BTRC: variants seen among roughly 807,000 people sequenced by gnomAD.
BTRC encodes the protein F-box/WD repeat-containing protein 1A.
In BTRC, 42 loss-of-function variants were observed where a neutral mutation model predicts 85.5. The ratio of observed to expected loss-of-function variants is 0.49; its 90% CI spans 0.38 to 0.64. The LOEUF (loss-of-function observed/expected upper bound fraction) is 0.64, where lower values mean the gene tolerates loss of function less well. Ranked by LOEUF, BTRC falls within the 30% of genes least tolerant of loss-of-function variation. The pLI, the probability that BTRC is intolerant of heterozygous loss-of-function variation, is 0.00. For synonymous variants in BTRC, 255 were observed against 263.3 expected, an observed-to-expected ratio of 0.97 and a Z score of 0.30; for missense variants, 594 against 743.5, an observed-to-expected ratio of 0.80 and a Z score of 2.34.
chr10:101,547,182 T>G (rs1010437007), intron 13 of BTRC, among the ~76,000 whole-genome samples: 1 of 152,158 alleles, frequency 6.6e-6, no homozygotes, highest in Non-Finnish European at 1.5e-5. Context: ...CCATTGTAAT[T>G]TGAGGAGCAT....
rs1314993788 is a variant in BTRC, at chr10:101,553,396, CCCTCCTCT to C, written c.*280_*287del. ...TGAATGATTGGAACTTTTAAACCTCCCCTCCTCTCCTCCTTTCACCTCTGCACCTAGTT... is the reference window on the plus strand; with the variant it reads ...TGAATGATTGGAACTTTTAAACCTCCCCTCCTTTCACCTCTGCACCTAGTT... On this transcript the variant is annotated 3_prime_UTR_variant, in exon 15 of 15. Coordinates refer to ENST00000370187, the MANE Select transcript of BTRC (RefSeq NM_033637.4). 6.6e-6 allele frequency: 1 copy of C among 152,618 alleles called. No individual in the cohort carries two copies. The highest frequency in any genetic ancestry group is 1.5e-5 in the Non-Finnish European group (1 of 68,064). The allele number at this position is 152,618 out of a possible 1,614,324, so 9.5% of individuals were successfully genotyped here.
intron 1 of BTRC, among the ~76,000 whole-genome samples, chr10:101,386,425 C>G (rs1180980076): frequency 6.6e-6 from 1 of 152,110 alleles, no homozygotes; most frequent in African/African-American, 2.4e-5. Context: ...TTTTCTTCAT[C>G]CTCTTAAGGT....
intron 2 of BTRC, among the ~76,000 whole-genome samples, chr10:101,431,250 T>A (rs1220525015): frequency 6.6e-6 from 1 of 151,980 alleles, no homozygotes; most frequent in Non-Finnish European, 1.5e-5. Context: ...CTAATTTTTG[T>A]ATTTTTAGTA....
chr10:101,416,726 G>A (rs1012906000), intron 1 of BTRC, among the ~76,000 whole-genome samples: 15 of 152,140 alleles, frequency 9.9e-5, no homozygotes, highest in Non-Finnish European at 2.1e-4. Context: ...TGCCGTAGGG[G>A]AAAAATTATA....
chr10:101,409,919 T>C (rs929020435), intron 1 of BTRC, among the ~76,000 whole-genome samples: 10 of 152,256 alleles, frequency 6.6e-5, no homozygotes, highest in African/African-American at 2.4e-4. Flanking sequence ...TCTTTGGATA[T>C]ATACCTAGAA....
chr10:101,419,854 T>G (rs1332337798), intron 1 of BTRC, among the ~76,000 whole-genome samples: 2 of 152,168 alleles, frequency 1.3e-5, no homozygotes, highest in Non-Finnish European at 2.9e-5. Flanking sequence ...TTGACATGTC[T>G]CTGTCATTCA....
chr10:101,415,750 A>G (rs1943928313), intron 1 of BTRC, among the ~76,000 whole-genome samples: 1 of 151,806 alleles, frequency 6.6e-6, no homozygotes, highest in African/African-American at 2.4e-5. Context: ...CATGTTGGCC[A>G]GGCTGGTCTG....
At chr10:101,481,393 AAT>A (rs1254028890) in intron 4 of BTRC, among the ~76,000 whole-genome samples, 7 of 152,058 alleles carry the variant, frequency 4.6e-5, no homozygotes, top group African/African-American at 1.7e-4. Context: ...CTTCTGGCTA[AAT>A]AAGGTAAAAT....
Position 101,521,673 on chromosome 10 carries a change from T to G in BTRC, c.359T>G (p.Val120Gly), listed in dbSNP as rs1472426179. The G allele has an allele frequency of 1.2e-6, 2 of 1,614,164 alleles. No homozygotes were observed. The highest frequency in any genetic ancestry group is 1.7e-5 in the Admixed American group (1 of 60,016). Residue 120 changes from valine (V) to glycine (G), a missense_variant, in exon 5 of 15, where the codon GTG (valine) becomes GGG (glycine). Transcript: ENST00000370187. ...GCCAATGGCACTTCCAGTATGATTG[T>G]GCCCAAGCAACGGAAACTCTCAGCA... ...KLANGTSSMI[V>G]PKQRKLSASY...
intron 5 of BTRC, among the ~76,000 whole-genome samples, chr10:101,522,967 A>T (rs1342179505): frequency 6.6e-6 from 1 of 152,118 alleles, no homozygotes; most frequent in East Asian, 1.9e-4. Context: ...GCACTTTGGG[A>T]GGCCGAAGTG....
chr10:101,486,108 A>G (rs1945978290), intron 4 of BTRC, among the ~76,000 whole-genome samples: 1 of 152,190 alleles, frequency 6.6e-6, no homozygotes, highest in Non-Finnish European at 1.5e-5. Context: ...GTTAGGAAAG[A>G]GAGAGGCAAG....
At chr10:101,409,999 C>T (rs750286519) in intron 1 of BTRC, among the ~76,000 whole-genome samples, 4 of 152,242 alleles carry the variant, frequency 2.6e-5, no homozygotes, top group Admixed American at 6.5e-5. Flanking sequence ...AATTGTTTCC[C>T]GTGGTTACTG....
rs559593725 is a variant in BTRC at position 101,410,311 on chromosome 10, C to T, written c.49-20034C>T. Reference sequence around the variant, plus strand: ...TTTTGATTTTCATTTTCCCAATGACCGCTGATGTCAAGAAGAGTACCCTGG... The same window carrying T: ...TTTTGATTTTCATTTTCCCAATGACTGCTGATGTCAAGAAGAGTACCCTGG... On this transcript the variant is annotated intron_variant, in intron 1 of 14. Transcript: ENST00000370187. Among the ~76,000 whole-genome samples, 6 of 152,074 alleles carry T rather than the reference C, an allele frequency of 3.9e-5. 1 individual carries two copies. The highest frequency in any genetic ancestry group is 7.2e-5 in the African/African-American group (3 of 41,478).
chr10:101,523,760 T>C (rs1434625069), intron 5 of BTRC, among the ~76,000 whole-genome samples: 1 of 152,214 alleles, frequency 6.6e-6, no homozygotes, highest in Non-Finnish European at 1.5e-5. Context: ...AATGTATTTT[T>C]CTAAATTTGT....
chr10:101,430,166 G>C (rs1944365498), intron 1 of BTRC, among the ~76,000 whole-genome samples, 179 bp from the exon 2 acceptor site: 1 of 152,186 alleles, frequency 6.6e-6, no homozygotes, highest in Admixed American at 6.5e-5. Context: ...GGCCACTACT[G>C]CCCCTTTTGG....
intron 1 of BTRC, among the ~76,000 whole-genome samples, chr10:101,420,323 C>T (rs1209433503): frequency 6.6e-6 from 1 of 152,002 alleles, no homozygotes; most frequent in Non-Finnish European, 1.5e-5. Flanking sequence ...ATCTCTCGCT[C>T]CATTTCTCAC....
chr10:101,488,295 T>C (rs1192403671), intron 4 of BTRC, among the ~76,000 whole-genome samples: 3 of 152,192 alleles, frequency 2.0e-5, no homozygotes, highest in Non-Finnish European at 4.4e-5. Flanking sequence ...CCTGATTCTG[T>C]TTATTAGAAA....
At chr10:101,552,884 G>A (rs561360415) in intron 14 of BTRC, among the ~76,000 whole-genome samples, 3 of 152,096 alleles carry the variant, frequency 2.0e-5, no homozygotes, top group East Asian at 1.9e-4. Context: ...TATGCCAACC[G>A]TGGGCACTCT....
chr10:101,523,280 AAAG>A (rs1265439636), intron 5 of BTRC, among the ~76,000 whole-genome samples: 1 of 152,190 alleles, frequency 6.6e-6, no homozygotes, highest in Non-Finnish European at 1.5e-5. Flanking sequence ...AAGTTTTTAG[AAAG>A]AAGGATATCT....
Sources: allele counts gnomAD v4.1 joint callset (sites outside exome capture counted in the v4.1 genomes callset), GRCh38; gene constraint gnomAD v4.1.1; transcripts MANE v1.5; gene names NCBI Gene and HGNC (gene_info 2026-07-23, HGNC 2026-07-21).